The following ASB15 variants were observed in gnomAD, a reference collection of about 807,000 sequenced individuals.
The protein encoded by ASB15 is ankyrin repeat and SOCS box containing 15.
Under a neutral mutation model 58.0 loss-of-function variants are expected in ASB15, and 54 were observed. That is an observed-to-expected ratio of 0.93 (90% CI 0.75 to 1.17). The LOEUF (loss-of-function observed/expected upper bound fraction) is 1.17. ASB15 is among the 50% of genes most tolerant of loss of function. The pLI is 0.00. For missense variants in ASB15, 680 were observed against 707.4 expected, an observed-to-expected ratio of 0.96 and a Z score of 0.44; for synonymous variants, 249 against 262.4, an observed-to-expected ratio of 0.95 and a Z score of 0.50.
intron 7 of ASB15, among the ~76,000 whole-genome samples, chr7:123,620,507 CATATATATATATATATATATATATAT>C (rs1395766241): frequency 0.039 from 1,142 of 29,644 alleles, 81 homozygotes; most frequent in Middle Eastern, 0.14. Context: ...CATATACATA[CATATATATATATATATATATATATAT>C]ATATATATAT....
intron 1 of ASB15, among the ~76,000 whole-genome samples, chr7:123,589,733 G>A (rs1464136985): frequency 3.9e-5 from 6 of 152,002 alleles, no homozygotes; most frequent in Non-Finnish European, 8.8e-5. Flanking sequence ...ATGGACATTT[G>A]GGTTGATTCC....
At chr7:123,570,655 C>G (rs971087458) in intron 1 of ASB15, among the ~76,000 whole-genome samples, 2 of 152,154 alleles carry the variant, frequency 1.3e-5, no homozygotes, top group African/African-American at 4.8e-5. Context: ...AGCAGAATAG[C>G]CCTAAAGAAT....
In ASB15 at chr7:123,629,951, T is replaced by C. The variant is rs930665242; in HGVS notation, c.1441-15T>C. ...TTAAAAATACTACTAAATTAAATTTTATCAATTCTCTCAGTTCTGTGAGTT... is the reference window on the plus strand; with the variant it reads ...TTAAAAATACTACTAAATTAAATTTCATCAATTCTCTCAGTTCTGTGAGTT... On this transcript the variant is annotated splice_polypyrimidine_tract_variant and intron_variant, in intron 10 of 11. Transcript: ENST00000451215. The C allele has an allele frequency of 4.6e-6, 7 of 1,538,276 alleles. No homozygotes were observed. The Admixed American group carries it at 9.1e-5, about 20-fold the overall frequency.
intron 8 of ASB15, among the ~76,000 whole-genome samples, chr7:123,625,571 T>C (rs1214102491): frequency 6.6e-6 from 1 of 152,232 alleles, no homozygotes; most frequent in African/African-American, 2.4e-5. Context: ...TCCTTGCCTT[T>C]ATCTCTTCAG....
At chr7:123,617,901 C>T (rs1315850322) in intron 7 of ASB15, among the ~76,000 whole-genome samples, 164 bp downstream of exon 7, 1 of 152,146 alleles carries the variant, frequency 6.6e-6, no homozygotes, top group Admixed American at 6.5e-5. Flanking sequence ...TTTTCCTATC[C>T]CACAAGGATG....
At position 123,637,828 on chromosome 7, in the gene ASB15, GA is replaced by G. The variant is rs986587561; in HGVS notation, c.*849del. The G allele has an allele frequency of 1.6e-5, 2 of 125,916 alleles. No individual in the cohort carries two copies. The highest frequency in any genetic ancestry group is 6.1e-5 in the African/African-American group (2 of 32,816). 7.8% of individuals were successfully genotyped at this position (125,916 alleles called of 1,614,324 possible). On this transcript the variant is annotated 3_prime_UTR_variant, in exon 12 of 12. Coordinates refer to ENST00000451215, the MANE Select transcript of ASB15 (RefSeq NM_001290258.2). ...GACCTATGTAGACAATTGGCCTCAT[GA>G]ACATTTGAACACAAAGACACCTCAA...
chr7:123,594,714 G>A (rs1211406843), intron 1 of ASB15, among the ~76,000 whole-genome samples: 3 of 152,194 alleles, frequency 2.0e-5, no homozygotes, highest in Non-Finnish European at 4.4e-5. Flanking sequence ...ACTGGGAGGA[G>A]TCTCCCTGTC....
rs1317310818 is a variant in ASB15, at chr7:123,608,880, C to T, written c.-3+226C>T. On this transcript the variant is annotated intron_variant, in intron 3 of 11. Coordinates refer to ENST00000451215, the MANE Select transcript of ASB15 (RefSeq NM_001290258.2). ...TGTATTTATATTGATTTCTCCACATCTTTAAAAGTATGCATACAAATGATC... is the reference window on the plus strand; with the variant it reads ...TGTATTTATATTGATTTCTCCACATTTTTAAAAGTATGCATACAAATGATC... The T allele has an allele frequency of 2.7e-5, 4 of 149,362 alleles. No homozygotes were observed. The East Asian group carries it at 7.9e-4, about 29-fold the overall frequency. 9.3% of individuals were successfully genotyped at this position (149,362 alleles called of 1,614,324 possible).
chr7:123,610,022 G>A (rs1800356723), intron 3 of ASB15, among the ~76,000 whole-genome samples: 1 of 152,158 alleles, frequency 6.6e-6, no homozygotes. Flanking sequence ...ACCACCCTAA[G>A]TAACATAAAG....
chr7:123,596,046 G>A (rs889794544), intron 1 of ASB15, among the ~76,000 whole-genome samples: 2 of 152,020 alleles, frequency 1.3e-5, no homozygotes, highest in African/African-American at 4.8e-5. Context: ...AATACTTTGG[G>A]AATATTCAGA....
At chr7:123,606,655 C>A (rs1361807051) in intron 2 of ASB15, among the ~76,000 whole-genome samples, 2 of 152,190 alleles carry the variant, frequency 1.3e-5, no homozygotes, top group Non-Finnish European at 2.9e-5. Context: ...ACATTCTACT[C>A]TTTTTTCTAT....
At chr7:123,590,891 GT>G (rs1799519035) in intron 1 of ASB15, among the ~76,000 whole-genome samples, 1 of 152,116 alleles carries the variant, frequency 6.6e-6, no homozygotes. Flanking sequence ...ACCTTGGGCA[GT>G]ATGGCCATTT....
intron 4 of ASB15, among the ~76,000 whole-genome samples, chr7:123,615,101 C>T (rs889492356): frequency 3.3e-5 from 5 of 151,992 alleles, no homozygotes; most frequent in Non-Finnish European, 7.4e-5. Flanking sequence ...ATGAGAGAAG[C>T]GTTGTGGGCT....
At position 123,639,286 on chromosome 7, in the gene ASB15, T is replaced by A. The variant is rs1258305236; in HGVS notation, c.*2305T>A. 1 of 152,216 alleles carries A rather than the reference T, an allele frequency of 6.6e-6. No homozygotes were observed. Among genetic ancestry groups the A allele is most frequent in the African/African-American group, 2.4e-5 (1 of 41,466 alleles). The allele number at this position is 152,216 out of a possible 1,614,324, so 9.4% of individuals were successfully genotyped here. A position where few individuals can be genotyped will look rare whatever the true frequency, so the allele number is the denominator to read the frequency against. On this transcript the variant is annotated 3_prime_UTR_variant, in exon 12 of 12. Transcript: ENST00000451215. ...TGTATTCCCTAGAGGATATATTTTA[T>A]ATGTAAGTTAAACTGTAATGTATTT... is the stretch of plus-strand genomic sequence containing the variant.
At chr7:123,611,082 C>CAA (rs34527165) in intron 3 of ASB15, among the ~76,000 whole-genome samples, 273 of 81,628 alleles carry the variant, frequency 3.3e-3, no homozygotes, top group Middle Eastern at 0.01. Flanking sequence ...AACTCCATCT[C>CAA]AAAAAAAAAA....
chr7:123,614,318 T>A (rs1286647578), intron 3 of ASB15, 183 bp from the exon 4 acceptor site: 3 of 524,854 alleles, frequency 5.7e-6, no homozygotes, highest in Non-Finnish European at 9.9e-6. Flanking sequence ...TTAGACCATT[T>A]AAGTTAATAA....
chr7:123,577,316 C>T (rs147017964), intron 1 of ASB15, among the ~76,000 whole-genome samples: 91 of 152,094 alleles, frequency 6.0e-4, no homozygotes, highest in African/African-American at 1.8e-3. Context: ...CATTCTTATT[C>T]GATACTGAGA....
At chr7:123,627,032 C>A in intron 8 of ASB15, 78 bp from the exon 9 acceptor site, 1 of 1,456,094 alleles carries the variant, frequency 6.9e-7, no homozygotes, top group Admixed American at 1.8e-5. Flanking sequence ...CATGCCCAGC[C>A]CCACAACAGG....
intron 2 of ASB15, among the ~76,000 whole-genome samples, chr7:123,605,860 A>G (rs1252012613): frequency 6.6e-6 from 1 of 152,186 alleles, no homozygotes; most frequent in African/African-American, 2.4e-5. Flanking sequence ...CGAAAGTGGG[A>G]GGAGGGCAAG....
Sources: gnomAD v4.1 joint callset for allele counts (sites outside exome capture counted in the v4.1 genomes callset) on GRCh38, gnomAD v4.1.1 for gene constraint, MANE v1.5 for transcripts, NCBI Gene and HGNC (gene_info 2026-07-23, HGNC 2026-07-21) for gene names.